Variants in PITPNM3 observed in about 807,000 individuals in gnomAD.
PITPNM3 encodes membrane-associated phosphatidylinositol transfer protein 3.
In PITPNM3, 26 loss-of-function variants were observed where a neutral mutation model predicts 102.0. That is an observed-to-expected ratio of 0.25 (90% CI 0.19 to 0.35). PITPNM3 has a LOEUF of 0.35. Ranked by LOEUF, PITPNM3 falls within the 10% of genes least tolerant of loss-of-function variation. The pLI is 1.00. For missense variants in PITPNM3, 1,083 were observed against 1,346.1 expected, an observed-to-expected ratio of 0.80 and a Z score of 3.06; for synonymous variants, 578 against 558.6, an observed-to-expected ratio of 1.03 and a Z score of -0.49.
rs377404024 is a variant in PITPNM3 at position 6,471,274 on chromosome 17, G to A, written c.1511C>T (p.Ser504Leu). The A allele has an allele frequency of 2.4e-5, 38 of 1,613,086 alleles. No individual in the cohort carries two copies. The highest frequency in any genetic ancestry group is 1.2e-4 in the African/African-American group (9 of 74,934). Reference protein sequence around the residue: ...DSPPLLDAPASPPQASRFQRP... With the variant: ...DSPPLLDAPALPPQASRFQRP... ...CTGGAACCTCGAGGCCTGAGGGGGCGAGGCAGGGGCATCCAGAAGTGGCGG... is the reference window on the plus strand; with the variant it reads ...CTGGAACCTCGAGGCCTGAGGGGGCAAGGCAGGGGCATCCAGAAGTGGCGG... Residue 504 changes from serine (S) to leucine (L), a missense_variant, in exon 12 of 20, where the codon TCG becomes TTG. Around this residue, in one of 5 missense-constraint regions of PITPNM3, gnomAD observed 410 missense variants for 638.4 expected, o/e 0.64. Transcript: ENST00000262483.
chr17:6,540,263 T>C (rs1347257840), intron 1 of PITPNM3, among the ~76,000 whole-genome samples: 1 of 152,160 alleles, frequency 6.6e-6, no homozygotes, highest in African/African-American at 2.4e-5. Flanking sequence ...ATGGACAGGA[T>C]TGGGTGCTCG....
intron 3 of PITPNM3, chr17:6,521,483 C>T (rs749267599): frequency 5.9e-5 from 9 of 151,844 alleles, no homozygotes; most frequent in Non-Finnish European, 7.4e-5. Context: ...AAATGTTACA[C>T]AAAAATAACA....
At chr17:6,471,064 G>A (rs1343719497) in intron 12 of PITPNM3, 97 bp downstream of exon 12, 1 of 1,421,708 alleles carries the variant, frequency 7.0e-7, no homozygotes, top group African/African-American at 1.4e-5. Context: ...CTATCCCAGG[G>A]CCTGCCCTCA....
In PITPNM3 at chr17:6,483,551, C is replaced by T; in HGVS notation, c.553G>A (p.Ala185Thr). 7 of 1,613,954 alleles carry T rather than the reference C, an allele frequency of 4.3e-6. No individual in the cohort carries two copies. The highest frequency in any genetic ancestry group is 5.9e-6 in the Non-Finnish European group (7 of 1,179,984). ...AGCGAGAAAGCCTCAGAGCAGATGG[C>T]AGGACAGGGGACGAACTTGATGAGG... The part of the protein sequence containing the change: ...HILIKFVPCP[A>T]ICSEAFSLVS... Residue 185 changes from alanine (A) to threonine (T), a missense_variant, in exon 6 of 20, where the codon GCC becomes ACC. This residue lies in a region of PITPNM3 where 290 missense variants were observed against 337.8 expected (regional missense o/e 0.86). Transcript: ENST00000262483.
Position 6,457,499 on chromosome 17 carries a change from CAAAT to C in PITPNM3, c.2619+91_2619+94del. 4 of 1,570,216 alleles carry C rather than the reference CAAAT, an allele frequency of 2.5e-6. No individual in the cohort carries two copies. Among genetic ancestry groups the C allele is most frequent in the Non-Finnish European group, 3.5e-6 (4 of 1,151,100 alleles). On this transcript the variant is annotated intron_variant, in intron 19 of 19. Coordinates refer to ENST00000262483, the MANE Select transcript of PITPNM3 (RefSeq NM_031220.4). The surrounding 1 kb of genome is among the most constrained non-coding windows in gnomAD (Gnocchi z 4.7). ...ATGAATGAGCAAATGGGGGAATGAA[CAAAT>C]GAATGAATGAATGAATGAAGTGCTT...
intron 1 of PITPNM3, among the ~76,000 whole-genome samples, chr17:6,544,801 GC>G (rs1157442097): frequency 6.6e-6 from 1 of 151,936 alleles, no homozygotes; most frequent in Non-Finnish European, 1.5e-5. Flanking sequence ...GGCAGTGGGA[GC>G]CCCGTAGACA....
chr17:6,481,738 TGATAGATAGATAGATA>T (rs60097568), intron 6 of PITPNM3: 22 of 140,112 alleles, frequency 1.6e-4, no homozygotes, highest in South Asian at 9.9e-4. Context: ...ATAGATCAGA[TGATAGATAGATAGATA>T]GATAGATAGA....
Position 6,503,553 on chromosome 17 carries a change from G to A in PITPNM3, c.248C>T (p.Thr83Ile), listed in dbSNP as rs778646198. ...EHQGEGTAPC[T>I]SSILQEKQRE... The stretch of plus-strand genomic sequence containing the variant: ...CTGCTTCTCCTGGAGGATGCTGGAT[G>A]TGCACGGCGCGGTCCCTTCTCCTGC... Residue 83 changes from threonine to isoleucine, a missense_variant, in exon 4 of 20, where the codon ACA (threonine) becomes ATA (isoleucine). By Grantham distance (89) the Thr-to-Ile change is moderately conservative (BLOSUM62 -1). Transcript: ENST00000262483. The A allele has an allele frequency of 1.2e-6, 2 of 1,612,194 alleles. No homozygotes were observed. The highest frequency in any genetic ancestry group is 1.7e-6 in the Non-Finnish European group (2 of 1,180,014).
Position 6,464,216 on chromosome 17 carries a change from G to A in PITPNM3, c.2110C>T (p.Pro704Ser). Residue 704 changes from proline (P) to serine (S), a missense_variant, in exon 16 of 20, where the codon CCC becomes TCC. Transcript: ENST00000262483. ...SGRITYNVPR[P>S]RRLGVGVYPV... Reference sequence around the variant, plus strand: ...TAGACACCAACCCCCAGGCGCCGGGGCCGCGGCACATTGTATGTGATGCGA... The same window carrying A: ...TAGACACCAACCCCCAGGCGCCGGGACCGCGGCACATTGTATGTGATGCGA... 6.2e-7 allele frequency: 1 copy of A among 1,614,194 alleles called. No homozygotes were observed. Among genetic ancestry groups the A allele is most frequent in the South Asian group, 1.1e-5 (1 of 91,078 alleles).
At chr17:6,532,599 C>A (rs1225669937) in intron 2 of PITPNM3, among the ~76,000 whole-genome samples, 1 of 152,092 alleles carries the variant, frequency 6.6e-6, no homozygotes, top group Non-Finnish European at 1.5e-5. Context: ...ATGTACTCTG[C>A]TTCAGTCTGA....
intron 1 of PITPNM3, among the ~76,000 whole-genome samples, chr17:6,555,984 C>T (rs1225484558): frequency 6.6e-6 from 1 of 152,090 alleles, no homozygotes; most frequent in African/African-American, 2.4e-5. Flanking sequence ...GCTGCAGGAG[C>T]AGGGGGCGCG....
At chr17:6,484,091 A>C (rs1042588150) in intron 5 of PITPNM3, 125 bp downstream of exon 5, 14 of 1,110,490 alleles carry the variant, frequency 1.3e-5, no homozygotes, top group Non-Finnish European at 1.6e-5. Context: ...ACACAGACCC[A>C]CCCAGGGTCA....
chr17:6,458,042 GT>G lies in PITPNM3; in HGVS notation c.2491-321del, dbSNP rs1914182315. Among the ~76,000 whole-genome samples, 2 of 152,162 alleles carry G rather than the reference GT, an allele frequency of 1.3e-5. No homozygotes were observed. The highest frequency in any genetic ancestry group is 1.9e-4 in the East Asian group (1 of 5,182). On this transcript the variant is annotated intron_variant, in intron 18 of 19. Transcript: ENST00000262483. The surrounding 1 kb of genome is among the most constrained non-coding windows in gnomAD (Gnocchi z 5.1). ...TGTGGATAAGGAAATTGAGTTCCAGGTTTCTGGCTCACAGGGCCAGGACTGG... is the reference window on the plus strand; with the variant it reads ...TGTGGATAAGGAAATTGAGTTCCAGGTTCTGGCTCACAGGGCCAGGACTGG...
chr17:6,454,030 CAGG>C lies in PITPNM3; in HGVS notation c.*1305_*1307del, dbSNP rs1913975220. 1.3e-5 allele frequency: 2 copies of C among 152,544 alleles called. No individual in the cohort carries two copies. The highest frequency in any genetic ancestry group is 1.3e-4 in the Admixed American group (2 of 15,290). 9.4% of individuals were successfully genotyped at this position (152,544 alleles called of 1,614,324 possible). ...GTCCTGCCAACCTCAGGGGACTACCCAGGAGGAGGTTATGGGCACAAACTGAGC... is the reference window on the plus strand; with the variant it reads ...GTCCTGCCAACCTCAGGGGACTACCCAGGAGGTTATGGGCACAAACTGAGC... On this transcript the variant is annotated 3_prime_UTR_variant, in exon 20 of 20. Coordinates refer to ENST00000262483, the MANE Select transcript of PITPNM3 (RefSeq NM_031220.4).
intron 2 of PITPNM3, among the ~76,000 whole-genome samples, chr17:6,530,951 G>A (rs1486381743): frequency 2.0e-5 from 3 of 152,208 alleles, no homozygotes; most frequent in Admixed American, 2.0e-4. Flanking sequence ...TCATTTTACA[G>A]GTACAGAGCT....
At chr17:6,495,504 A>G (rs1036140311) in intron 4 of PITPNM3, among the ~76,000 whole-genome samples, 1 of 152,192 alleles carries the variant, frequency 6.6e-6, no homozygotes, top group African/African-American at 2.4e-5. Context: ...AACTCCAGGA[A>G]GATGGAGAAC....
intron 4 of PITPNM3, among the ~76,000 whole-genome samples, chr17:6,497,922 C>T (rs553417666): frequency 3.3e-5 from 5 of 152,170 alleles, no homozygotes; most frequent in South Asian, 2.1e-4. Context: ...CCCTGCCCCT[C>T]GTGGAGCTGC....
chr17:6,525,678 C>T (rs535953579), intron 2 of PITPNM3, among the ~76,000 whole-genome samples: 27 of 152,242 alleles, frequency 1.8e-4, no homozygotes, highest in South Asian at 1.5e-3. Flanking sequence ...TGGGCCTCCA[C>T]GTGCAACAGC....
At chr17:6,507,834 C>T (rs183784997) in intron 3 of PITPNM3, among the ~76,000 whole-genome samples, 29 of 152,244 alleles carry the variant, frequency 1.9e-4, no homozygotes, top group Admixed American at 9.8e-4. Context: ...TCGGTACTCA[C>T]GGAGACAGTT....
Sources: gnomAD v4.1 joint callset for allele counts (sites outside exome capture counted in the v4.1 genomes callset) on GRCh38, gnomAD v4.1.1 for gene constraint, gnomAD v4.1.1 regional missense constraint, Gnocchi (gnomAD v3.1) non-coding constraint, MANE v1.5 for transcripts, NCBI Gene and HGNC (gene_info 2026-07-23, HGNC 2026-07-21) for gene names.